Variants in DENND2C observed in about 807,000 individuals in gnomAD.
DENND2C encodes the protein DENN domain containing 2C.
DENND2C carries 72 observed loss-of-function variants against 112.4 expected under a neutral mutation model. The observed-to-expected ratio is 0.64, with a 90% CI of 0.53 to 0.78. The LOEUF (loss-of-function observed/expected upper bound fraction) is 0.78. Among genes scored for constraint, DENND2C ranks in the 30% least tolerant of loss-of-function variants. The pLI is 0.00. For missense variants in DENND2C, 992 were observed against 1,113.8 expected, an observed-to-expected ratio of 0.89 and a Z score of 1.56; for synonymous variants, 329 against 381.6, an observed-to-expected ratio of 0.86 and a Z score of 1.61.
chr1:114,634,254 A>G (rs1570792926), intron 3 of DENND2C, among the ~76,000 whole-genome samples: 1 of 152,262 alleles, frequency 6.6e-6, no homozygotes, highest in African/African-American at 2.4e-5. Flanking sequence ...AAAGATTTCA[A>G]TATCACTATC....
At chr1:114,668,536 C>CAT (rs1256264921) in intron 1 of DENND2C, among the ~76,000 whole-genome samples, 1 of 151,582 alleles carries the variant, frequency 6.6e-6, no homozygotes, top group Non-Finnish European at 1.5e-5. Context: ...CACACACACA[C>CAT]ACACACACAC....
chr1:114,665,623 T>C (rs745769493), intron 1 of DENND2C, among the ~76,000 whole-genome samples: 1 of 152,200 alleles, frequency 6.6e-6, no homozygotes, highest in Non-Finnish European at 1.5e-5. Flanking sequence ...CATAACCCTA[T>C]CGAAAATTGA....
At chr1:114,593,946 T>A (rs1451328868) in intron 18 of DENND2C, among the ~76,000 whole-genome samples, 2 of 152,228 alleles carry the variant, frequency 1.3e-5, no homozygotes, top group Non-Finnish European at 2.9e-5. Context: ...TGATACAGTA[T>A]AAACACCCAA....
intron 3 of DENND2C, among the ~76,000 whole-genome samples, chr1:114,630,305 A>C (rs74936886): frequency 1.4e-5 from 2 of 144,986 alleles, no homozygotes; most frequent in Non-Finnish European, 3.0e-5. Flanking sequence ...AGATTCGTTC[A>C]AAAAAAAAAA....
Position 114,584,565 on chromosome 1 carries a change from A to G in DENND2C, c.*1035T>C, listed in dbSNP as rs1186381963. 2.0e-5 allele frequency: 3 copies of G among 152,098 alleles called. No homozygotes were observed. The highest frequency in any genetic ancestry group is 4.4e-5 in the Non-Finnish European group (3 of 68,026). The allele number at this position is 152,098 out of a possible 1,614,324, so 9.4% of individuals were successfully genotyped here. A position where few individuals can be genotyped will look rare whatever the true frequency, so the allele number is the denominator to read the frequency against. On this transcript the variant is annotated 3_prime_UTR_variant, in exon 21 of 21. Coordinates refer to ENST00000393274, the MANE Select transcript of DENND2C (RefSeq NM_001256404.2). ...TGCTGGGATTACAGACGTGAGCCAT[A>G]GCACCCAGCCTCAGTTTATTAGTAA...
At chr1:114,628,380 A>G (rs866859469) in intron 3 of DENND2C, among the ~76,000 whole-genome samples, 4 of 152,114 alleles carry the variant, frequency 2.6e-5, no homozygotes, top group South Asian at 4.1e-4. Flanking sequence ...AATCTACGGA[A>G]TTCACACACA....
chr1:114,583,310 A>T lies in DENND2C; in HGVS notation c.*2290T>A, dbSNP rs1388525287. ...GCATACCTGAATGGGTTGTAATGAC[A>T]ATACTGTACAAGTCAATAAACTGTA... On this transcript the variant is annotated 3_prime_UTR_variant, in exon 21 of 21. Coordinates refer to ENST00000393274, the MANE Select transcript of DENND2C (RefSeq NM_001256404.2). 1.3e-5 allele frequency: 2 copies of T among 152,244 alleles called. No individual in the cohort carries two copies. The highest frequency in any genetic ancestry group is 4.8e-5 in the African/African-American group (2 of 41,472). 9.4% of individuals were successfully genotyped at this position (152,244 alleles called of 1,614,324 possible).
chr1:114,648,744 T>C (rs890711150), intron 2 of DENND2C, among the ~76,000 whole-genome samples: 4 of 152,086 alleles, frequency 2.6e-5, no homozygotes, highest in African/African-American at 9.7e-5. Flanking sequence ...ACCTGGTGGA[T>C]AAAAAGAGCT....
chr1:114,604,098 C>A (rs1655592449), intron 11 of DENND2C, among the ~76,000 whole-genome samples: 1 of 152,102 alleles, frequency 6.6e-6, no homozygotes, highest in Non-Finnish European at 1.5e-5. Flanking sequence ...GTGCAACTGA[C>A]AACACAAGAG....
chr1:114,634,167 C>T (rs1656583328), intron 3 of DENND2C, among the ~76,000 whole-genome samples: 2 of 152,070 alleles, frequency 1.3e-5, no homozygotes, highest in African/African-American at 4.8e-5. Context: ...ATGGACAAAT[C>T]CACAATTTTA....
intron 18 of DENND2C, among the ~76,000 whole-genome samples, chr1:114,591,701 T>C (rs2878760): frequency 0.068 from 10,268 of 152,026 alleles, 414 homozygotes; most frequent in Middle Eastern, 0.099. Flanking sequence ...CACTGTTTTA[T>C]TGACATAAAA....
At position 114,645,552 on chromosome 1, in the gene DENND2C, C is replaced by T. The variant is rs1163579672; in HGVS notation, c.-309G>A. 2 of 152,100 alleles carry T rather than the reference C, an allele frequency of 1.3e-5. No homozygotes were observed. The highest frequency in any genetic ancestry group is 2.9e-5 in the Non-Finnish European group (2 of 68,030). The allele number at this position is 152,100 out of a possible 1,614,324, so 9.4% of individuals were successfully genotyped here. On this transcript the variant is annotated 5_prime_UTR_variant, in exon 3 of 21. Coordinates refer to ENST00000393274, the MANE Select transcript of DENND2C (RefSeq NM_001256404.2). Reference sequence around the variant, plus strand: ...TCTGCGGTATTTGGTTATGGTAGACCTAGCAAACTAATACAAAAGGCCACA... The same window carrying T: ...TCTGCGGTATTTGGTTATGGTAGACTTAGCAAACTAATACAAAAGGCCACA...
At chr1:114,655,885 T>TATATATAA (rs1553238232) in intron 1 of DENND2C, among the ~76,000 whole-genome samples, 1 of 140,414 alleles carries the variant, frequency 7.1e-6, no homozygotes, top group Non-Finnish European at 1.6e-5. Context: ...TATGTATAAA[T>TATATATAA]ATATATATAT....
At chr1:114,658,180 A>G (rs1431940504) in intron 1 of DENND2C, among the ~76,000 whole-genome samples, 1 of 152,186 alleles carries the variant, frequency 6.6e-6, no homozygotes, top group Non-Finnish European at 1.5e-5. Flanking sequence ...TTAAAATAGG[A>G]AGTGTGAGGA....
intron 7 of DENND2C, among the ~76,000 whole-genome samples, chr1:114,620,359 A>G (rs1656131323): frequency 6.6e-6 from 1 of 152,156 alleles, no homozygotes; most frequent in African/African-American, 2.4e-5. Flanking sequence ...GAAAAGTTAG[A>G]TCCTATCACC....
At chr1:114,663,202 C>T (rs980771737) in intron 1 of DENND2C, among the ~76,000 whole-genome samples, 16 of 152,276 alleles carry the variant, frequency 1.1e-4, no homozygotes, top group African/African-American at 3.8e-4. Context: ...GAATAAAATT[C>T]CATCCTGTCC....
chr1:114,614,043 G>C (rs1204239518), intron 8 of DENND2C, among the ~76,000 whole-genome samples: 2 of 151,918 alleles, frequency 1.3e-5, no homozygotes, highest in Non-Finnish European at 1.5e-5. Context: ...GACCAGCCTG[G>C]CAACATGGTG....
chr1:114,582,916 T>C lies in DENND2C; in HGVS notation c.*2684A>G. On this transcript the variant is annotated 3_prime_UTR_variant, in exon 21 of 21. Transcript: ENST00000393274. ...CAACATTTTATACAAATCTTGATTC[T>C]TTTACAAAAATATCCAGAATTCCTA... The C allele has an allele frequency of 6.6e-6, 1 of 152,218 alleles. No individual in the cohort carries two copies. The highest frequency in any genetic ancestry group is 1.9e-4 in the East Asian group (1 of 5,202). 9.4% of individuals were successfully genotyped at this position (152,218 alleles called of 1,614,324 possible). A position where few individuals can be genotyped will look rare whatever the true frequency, so the allele number is the denominator to read the frequency against.
chr1:114,598,713 CCTCT>C (rs1655411350), intron 16 of DENND2C, among the ~76,000 whole-genome samples: 1 of 152,056 alleles, frequency 6.6e-6, no homozygotes, highest in South Asian at 2.1e-4. Context: ...ACAGCGTCTC[CCTCT>C]GTCGCCCAGG....
Sources: allele counts gnomAD v4.1 joint callset (sites outside exome capture counted in the v4.1 genomes callset), GRCh38; gene constraint gnomAD v4.1.1; transcripts MANE v1.5; gene names NCBI Gene and HGNC (gene_info 2026-07-23, HGNC 2026-07-21).